NLRP9: variants seen among roughly 807,000 people sequenced by gnomAD.
NLRP9 encodes NACHT, LRR and PYD domains-containing protein 9.
NLRP9 carries 88 observed loss-of-function variants against 83.1 expected under a neutral mutation model. The observed-to-expected ratio is 1.06, with a 90% CI of 0.89 to 1.26. The LOEUF (loss-of-function observed/expected upper bound fraction) is 1.26. Ranked by LOEUF, NLRP9 falls within the 50% of genes most tolerant of loss-of-function variation. NLRP9 has a pLI of 0.00. For missense variants in NLRP9, 1,308 were observed against 1,179.3 expected (o/e 1.11, Z -1.60); for synonymous variants, 521 against 447.6 (o/e 1.16, Z -2.07).
intron 8 of NLRP9, among the ~76,000 whole-genome samples, chr19:55,710,667 G>T (rs550714896): frequency 1.3e-5 from 2 of 152,262 alleles, no homozygotes; most frequent in South Asian, 4.1e-4. Context: ...CCAAAGACGT[G>T]CCTATTTCTG....
chr19:55,733,298 C>G lies in NLRP9; in HGVS notation c.533G>C (p.Arg178Thr). The change falls in exon 2 of 9, where the codon AGG (arginine) becomes ACG (threonine). Residue 178 changes from arginine (R) to threonine (T), a missense_variant. Physicochemically the swap from Arg to Thr is moderately conservative, Grantham distance 71. Transcript: ENST00000332836. Reference sequence around the variant, plus strand: ...ATTGAGGAAAAACACAAATGTGAACCTGTCCTTCCATAAGTTTCCCTCTGC... The same window carrying G: ...ATTGAGGAAAAACACAAATGTGAACGTGTCCTTCCATAAGTTTCCCTCTGC... ...DWAEGNLWKD[R>T]FTFVFFLNVC... The G allele has an allele frequency of 6.2e-7, 1 of 1,614,042 alleles. No individual in the cohort carries two copies. Among genetic ancestry groups the G allele is most frequent in the South Asian group, 1.1e-5 (1 of 91,078 alleles).
rs113774810 is a variant in NLRP9 at position 55,711,783 on chromosome 19, A to C, written c.2843+17T>G. 2.7e-4 allele frequency: 441 copies of C among 1,611,120 alleles called. 2 individuals carry two copies. In the African/African-American group the frequency reaches 4.4e-3, roughly 16 times the overall value. On this transcript the variant is annotated intron_variant, in intron 8 of 8. Transcript: ENST00000332836. ...GTTCTGAAGTCACTCACCCCAAAGG[A>C]AACAGTGTCCACTCACCCCAGCATC...
intron 8 of NLRP9, chr19:55,709,621 G>T (rs1375880706): frequency 6.6e-6 from 1 of 152,188 alleles, no homozygotes; most frequent in Non-Finnish European, 1.5e-5. Context: ...GCTGGTTTTT[G>T]TAGTCACCAA....
At chr19:55,724,486 G>A (rs931111411) in intron 3 of NLRP9, among the ~76,000 whole-genome samples, 3 of 152,082 alleles carry the variant, frequency 2.0e-5, no homozygotes, top group African/African-American at 7.2e-5. Flanking sequence ...TGAGATTAAT[G>A]TGATTAATGC....
rs962290682 is a variant in NLRP9 at position 55,729,855 on chromosome 19, G to A, written c.1970C>T (p.Pro657Leu). ...CATGAGTTTTCGGAGTTTACAAACAGGCTGAGCCAGCGCTTTGCAAAGAAT... is the reference window on the plus strand; with the variant it reads ...CATGAGTTTTCGGAGTTTACAAACAAGCTGAGCCAGCGCTTTGCAAAGAAT... ...LAILCKALAQ[P>L]VCKLRKLIFT... The change falls in exon 3 of 9, where the codon CCT (proline) becomes CTT (leucine). Residue 657 changes from proline to leucine, a missense_variant. Physicochemically the swap from Pro to Leu is moderately conservative, Grantham distance 98 (BLOSUM62 -3). Coordinates refer to ENST00000332836, the MANE Select transcript of NLRP9 (RefSeq NM_176820.4). 6.2e-7 allele frequency: 1 copy of A among 1,613,464 alleles called. No individual in the cohort carries two copies. Among genetic ancestry groups the A allele is most frequent in the Admixed American group, 1.7e-5 (1 of 59,850 alleles).
intron 3 of NLRP9, among the ~76,000 whole-genome samples, chr19:55,727,274 C>T (rs1409456928): frequency 6.6e-6 from 1 of 152,076 alleles, no homozygotes; most frequent in Non-Finnish European, 1.5e-5. Context: ...AATAAAAGAT[C>T]AATTATTTAT....
intron 3 of NLRP9, among the ~76,000 whole-genome samples, chr19:55,725,844 T>G (rs1988384277): frequency 6.6e-6 from 1 of 150,928 alleles, no homozygotes; most frequent in Non-Finnish European, 1.5e-5. Context: ...CTGGGCAACA[T>G]GATGAAACCC....
intron 3 of NLRP9, among the ~76,000 whole-genome samples, chr19:55,724,592 T>C (rs1446404604): frequency 3.3e-5 from 5 of 152,094 alleles, no homozygotes; most frequent in African/African-American, 1.2e-4. Context: ...AATTAAGATT[T>C]TTTTTTTTTT....
intron 4 of NLRP9, among the ~76,000 whole-genome samples, chr19:55,722,333 T>A (rs535107221): frequency 1.3e-5 from 2 of 152,140 alleles, no homozygotes; most frequent in African/African-American, 4.8e-5. Flanking sequence ...ATTTTGAAAG[T>A]TCCCCCTGAG....
intron 1 of NLRP9, among the ~76,000 whole-genome samples, chr19:55,736,012 G>T (rs183936292): frequency 1.3e-5 from 2 of 152,022 alleles, no homozygotes; most frequent in African/African-American, 4.8e-5. Context: ...TTAATTGAAT[G>T]GATTTATCAT....
rs781218501 is a variant in NLRP9 at position 55,729,916 on chromosome 19, T to C, written c.1909A>G (p.Met637Val). Residue 637 changes from methionine to valine, a missense_variant, in exon 3 of 9, where the codon ATG (methionine) becomes GTG (valine). Transcript: ENST00000332836. ...GGATCATCGAGGCTGGTATTTTCCA[T>C]GTCTAAAATCTGGAAGTTCTTGTTG... The part of the protein sequence containing the change: ...ITNKNFQILD[M>V]ENTSLDDPSL... The C allele has an allele frequency of 1.3e-5, 21 of 1,613,548 alleles. No individual in the cohort carries two copies. The highest frequency in any genetic ancestry group is 1.7e-5 in the Non-Finnish European group (20 of 1,179,588).
intron 4 of NLRP9, among the ~76,000 whole-genome samples, chr19:55,723,174 A>G (rs181733581): frequency 9.0e-4 from 137 of 152,184 alleles, no homozygotes; most frequent in South Asian, 1.9e-3. Flanking sequence ...AGAAAGATAG[A>G]TTGGCTCTGC....
chr19:55,735,436 A>G (rs531589731), intron 1 of NLRP9, among the ~76,000 whole-genome samples: 4 of 152,314 alleles, frequency 2.6e-5, no homozygotes, highest in South Asian at 2.1e-4. Context: ...AAAAAATTAA[A>G]TTAAAAAATA....
chr19:55,734,363 C>CAAAAAAAAAAA (rs59545375), intron 1 of NLRP9, among the ~76,000 whole-genome samples: 1 of 76,694 alleles, frequency 1.3e-5, no homozygotes, highest in East Asian at 4.1e-4. Context: ...CACTCTATCT[C>CAAAAAAAAAAA]AAAAAAAAAA....
intron 3 of NLRP9, among the ~76,000 whole-genome samples, chr19:55,726,782 A>G (rs1988416221): frequency 6.6e-6 from 1 of 152,188 alleles, no homozygotes; most frequent in African/African-American, 2.4e-5. Flanking sequence ...ATGTTGAAGG[A>G]ATGAGCTCTG....
intron 4 of NLRP9, 106 bp from the exon 5 acceptor site, chr19:55,717,004 A>T: frequency 1.3e-6 from 1 of 757,648 alleles, no homozygotes; most frequent in Non-Finnish European, 2.2e-6. Context: ...GCACCTGCCG[A>T]TCCATTATCT....
chr19:55,733,364 A>G lies in NLRP9; in HGVS notation c.467T>C (p.Ile156Thr), dbSNP rs1180662934. Residue 156 changes from isoleucine to threonine, a missense_variant, in exon 2 of 9, where the codon ATT (isoleucine) becomes ACT (threonine). By Grantham distance (89) the Ile-to-Thr change is moderately conservative (BLOSUM62 -1). Coordinates refer to ENST00000332836, the MANE Select transcript of NLRP9 (RefSeq NM_176820.4). Reference protein sequence around the residue: ...HTVVLEGPDGIGKTTLLRKVM... With the variant: ...HTVVLEGPDGTGKTTLLRKVM... ...TTTTCTTAAAAGGGTTGTTTTTCCA[A>G]TTCCATCAGGACCTTCCAGGACCAC... 4.3e-6 allele frequency: 7 copies of G among 1,614,054 alleles called. No homozygotes were observed. The highest frequency in any genetic ancestry group is 1.6e-4 in the Middle Eastern group (1 of 6,084).
Position 55,732,233 on chromosome 19 carries a change from C to T in NLRP9, c.1598G>A (p.Cys533Tyr). 1 of 1,614,054 alleles carries T rather than the reference C, an allele frequency of 6.2e-7. No individual in the cohort carries two copies. The highest frequency in any genetic ancestry group is 8.5e-7 in the Non-Finnish European group (1 of 1,179,916). Residue 533 changes from cysteine (C) to tyrosine (Y), a missense_variant, in exon 2 of 9, where the codon TGT becomes TAT. By Grantham distance (194) the Cys-to-Tyr change is radical. Transcript: ENST00000332836. Reference protein sequence around the residue: ...ITQCLESLSQCEADREAIAFQ... With the variant: ...ITQCLESLSQYEADREAIAFQ... ...AGCTATGGCTTCCCTATCAGCTTCA[C>T]ATTGACTTAAACTTTCAAGGCATTG...
At position 55,732,751 on chromosome 19, in the gene NLRP9, G is replaced by A. The variant is rs1568603890; in HGVS notation, c.1080C>T (p.Asn360=). Residue 360 remains asparagine (N), a synonymous_variant, in exon 2 of 9, where the codon AAC becomes AAT. Coordinates refer to ENST00000332836, the MANE Select transcript of NLRP9 (RefSeq NM_176820.4). ...CATATAAATAGGTGGTGTTTTGGGAGTTTATTTCAAGGTCTTCTCCCCTCT... is the reference window on the plus strand; with the variant it reads ...CATATAAATAGGTGGTGTTTTGGGAATTTATTTCAAGGTCTTCTCCCCTCT... The part of the protein sequence containing the change: ...RLERGEDLEI[N]SQNTTYLYAS... 2 of 1,614,178 alleles carry A rather than the reference G, an allele frequency of 1.2e-6. No individual in the cohort carries two copies. The highest frequency in any genetic ancestry group is 1.7e-6 in the Non-Finnish European group (2 of 1,180,020).
Sources: gnomAD v4.1 joint callset for allele counts (sites outside exome capture counted in the v4.1 genomes callset) on GRCh38, gnomAD v4.1.1 for gene constraint, MANE v1.5 for transcripts, NCBI Gene and HGNC (gene_info 2026-07-23, HGNC 2026-07-21) for gene names.